Variants in LY86 observed in about 807,000 individuals in gnomAD.
LY86 encodes the protein lymphocyte antigen 86.
LY86 carries 20 observed loss-of-function variants against 17.3 expected under a neutral mutation model. That is an observed-to-expected ratio of 1.15 (90% confidence interval 0.81 to 1.68). The LOEUF (loss-of-function observed/expected upper bound fraction) is 1.68, where lower values mean the gene tolerates loss of function less well. LY86 is among the 40% of genes most tolerant of loss of function. LY86 has a pLI of 0.00. For synonymous variants in LY86, 74 were observed against 70.6 expected (o/e 1.05, Z -0.24); for missense variants, 200 against 191.9 (o/e 1.04, Z -0.25).
intron 1 of LY86, among the ~76,000 whole-genome samples, chr6:6,590,390 T>C (rs1035430256): frequency 6.6e-6 from 1 of 152,226 alleles, no homozygotes; most frequent in African/African-American, 2.4e-5. Context: ...GATTTCATCA[T>C]GCTACTCAGG....
At chr6:6,634,662 C>T (rs1761937734) in intron 3 of LY86, among the ~76,000 whole-genome samples, 1 of 152,210 alleles carries the variant, frequency 6.6e-6, no homozygotes, top group Admixed American at 6.5e-5. Flanking sequence ...GACCTGTGAT[C>T]CTCCCAGTAT....
intron 3 of LY86, among the ~76,000 whole-genome samples, chr6:6,639,110 G>A (rs1259152223): frequency 1.3e-5 from 2 of 152,026 alleles, no homozygotes; most frequent in Non-Finnish European, 2.9e-5. Context: ...AAAATGATGA[G>A]TTCATGTCCT....
intron 1 of LY86, among the ~76,000 whole-genome samples, chr6:6,603,198 TCCA>T (rs2113093934): frequency 6.6e-6 from 1 of 152,166 alleles, no homozygotes; most frequent in African/African-American, 2.4e-5. Flanking sequence ...TCCCAAAGCC[TCCA>T]CCTATTAATA....
intron 1 of LY86, among the ~76,000 whole-genome samples, chr6:6,619,723 G>A (rs1761631695): frequency 1.3e-5 from 2 of 152,202 alleles, no homozygotes; most frequent in African/African-American, 2.4e-5. Context: ...GTGGGCCACA[G>A]GGAATGAGCC....
chr6:6,615,551 A>C (rs370915203), intron 1 of LY86, among the ~76,000 whole-genome samples: 1 of 152,068 alleles, frequency 6.6e-6, no homozygotes, highest in African/African-American at 2.4e-5. Flanking sequence ...GTGAAACCCC[A>C]TCTCTACTAA....
At chr6:6,620,137 C>T (rs866455524) in intron 1 of LY86, among the ~76,000 whole-genome samples, 3 of 151,948 alleles carry the variant, frequency 2.0e-5, no homozygotes, top group African/African-American at 4.8e-5. Context: ...CACATACATG[C>T]GCTTGTACAC....
intron 3 of LY86, among the ~76,000 whole-genome samples, chr6:6,637,010 T>G (rs1454905210): frequency 6.8e-6 from 1 of 147,648 alleles, no homozygotes; most frequent in Non-Finnish European, 1.5e-5. Context: ...ATTGGTTTTT[T>G]TTTTTTTTTT....
At chr6:6,638,495 T>C (rs546078119) in intron 3 of LY86, among the ~76,000 whole-genome samples, 1 of 152,308 alleles carries the variant, frequency 6.6e-6, no homozygotes, top group African/African-American at 2.4e-5. Flanking sequence ...TTAAGTTAAA[T>C]TAAAAATTCA....
At chr6:6,647,696 C>G (rs1762124863) in intron 3 of LY86, among the ~76,000 whole-genome samples, 1 of 152,182 alleles carries the variant, frequency 6.6e-6, no homozygotes, top group East Asian at 1.9e-4. Flanking sequence ...ACCGTCTCTT[C>G]TTAGTCTCCT....
chr6:6,645,997 G>T (rs952630838), intron 3 of LY86, among the ~76,000 whole-genome samples: 1 of 152,086 alleles, frequency 6.6e-6, no homozygotes, highest in African/African-American at 2.4e-5. Flanking sequence ...TTGGGTCAGA[G>T]AGTATCTACT....
intron 1 of LY86, among the ~76,000 whole-genome samples, chr6:6,615,813 A>G (rs750887755): frequency 1.6e-4 from 24 of 151,970 alleles, no homozygotes; most frequent in Admixed American, 3.3e-4. Context: ...GATCGCTTGA[A>G]TCCAGGAGTT....
Position 6,640,734 on chromosome 6 carries a change from A to C in LY86, c.353-8891A>C, listed in dbSNP as rs561742191. 2.0e-5 allele frequency among the ~76,000 whole-genome samples: 3 copies of C among 152,196 alleles called. 1 individual carries two copies. In the South Asian group the frequency reaches 6.2e-4, roughly 32 times the overall value. ...TCTCTAAAAACAAAACAAAACAAAA[A>C]AAAAAGAAAAAGAAAAGGAGGGTAG... is the stretch of plus-strand genomic sequence containing the variant. On this transcript the variant is annotated intron_variant, in intron 3 of 4. Coordinates refer to ENST00000230568, the MANE Select transcript of LY86 (RefSeq NM_004271.4).
At chr6:6,643,703 C>A (rs894948355) in intron 3 of LY86, among the ~76,000 whole-genome samples, 1 of 152,162 alleles carries the variant, frequency 6.6e-6, no homozygotes, top group Non-Finnish European at 1.5e-5. Context: ...CACACAAAAA[C>A]GCACATACAT....
At chr6:6,603,737 C>A (rs1761000849) in intron 1 of LY86, among the ~76,000 whole-genome samples, 1 of 151,790 alleles carries the variant, frequency 6.6e-6, no homozygotes, top group South Asian at 2.1e-4. Context: ...GCTTTAATGG[C>A]TGTGCATGAG....
chr6:6,644,319 T>C (rs1044069900), intron 3 of LY86, among the ~76,000 whole-genome samples: 2 of 151,844 alleles, frequency 1.3e-5, no homozygotes, highest in African/African-American at 2.4e-5. Flanking sequence ...AGCTCAGGAG[T>C]TGGAGACCAG....
Position 6,623,207 on chromosome 6 carries a change from G to T in LY86, c.137-1719G>T, listed in dbSNP as rs1200216518. Among the ~76,000 whole-genome samples the T allele has an allele frequency of 2.0e-5, 3 of 152,222 alleles. No homozygotes were observed. In the East Asian group the frequency reaches 5.8e-4, roughly 29 times the overall value. ...AAGAGCAAAGAAAGGACCCCTGAAGGCTGGGAGAGCAAAAGGCAGAGGTTG... is the reference window on the plus strand; with the variant it reads ...AAGAGCAAAGAAAGGACCCCTGAAGTCTGGGAGAGCAAAAGGCAGAGGTTG... On this transcript the variant is annotated intron_variant, in intron 1 of 4. Transcript: ENST00000230568.
chr6:6,604,913 A>G (rs1561778760), intron 1 of LY86, among the ~76,000 whole-genome samples: 1 of 152,094 alleles, frequency 6.6e-6, no homozygotes, highest in East Asian at 1.9e-4. Flanking sequence ...CTCCAGCAAT[A>G]CTCTCATAGA....
intron 3 of LY86, among the ~76,000 whole-genome samples, chr6:6,646,155 C>CG (rs1561793039): frequency 6.6e-6 from 1 of 152,100 alleles, no homozygotes; most frequent in African/African-American, 2.4e-5. Context: ...AAATGAACCC[C>CG]GGGCAGGATG....
intron 3 of LY86, among the ~76,000 whole-genome samples, chr6:6,638,284 T>C (rs1020316005): frequency 6.6e-6 from 1 of 152,268 alleles, no homozygotes; most frequent in Non-Finnish European, 1.5e-5. Context: ...GAAATGGTAA[T>C]ATTTTTAATA....
Sources: gnomAD v4.1 joint callset for allele counts (sites outside exome capture counted in the v4.1 genomes callset) on GRCh38, gnomAD v4.1.1 for gene constraint, MANE v1.5 for transcripts, NCBI Gene and HGNC (gene_info 2026-07-23, HGNC 2026-07-21) for gene names.